DLG1: variants seen among roughly 807,000 people sequenced by gnomAD.
The protein encoded by DLG1 is disks large homolog 1.
Under a neutral mutation model 123.4 loss-of-function variants are expected in DLG1, and 42 were observed. The ratio of observed to expected loss-of-function variants is 0.34; its 90% CI spans 0.27 to 0.44. The LOEUF is 0.44. DLG1 is among the 20% of genes least tolerant of loss of function. The pLI is 1.00. For missense variants in DLG1, 942 were observed against 1,082.6 expected (o/e 0.87, Z 1.82); for synonymous variants, 317 against 356.2 (o/e 0.89, Z 1.24).
At chr3:197,184,454 T>A (rs1714560247) in intron 5 of DLG1, among the ~76,000 whole-genome samples, 1 of 152,248 alleles carries the variant, frequency 6.6e-6, no homozygotes, top group Admixed American at 6.5e-5. Flanking sequence ...ACACATTATC[T>A]GGCACTGGCT....
intron 17 of DLG1, among the ~76,000 whole-genome samples, chr3:197,079,846 T>C (rs1333850342): frequency 6.6e-6 from 1 of 152,158 alleles, no homozygotes; most frequent in Non-Finnish European, 1.5e-5. Flanking sequence ...ATTTAACTTC[T>C]TGAACCAAAG....
intron 14 of DLG1, among the ~76,000 whole-genome samples, chr3:197,102,252 A>G (rs1446487251): frequency 2.0e-5 from 3 of 152,344 alleles, no homozygotes; most frequent in African/African-American, 7.2e-5. Flanking sequence ...AAAACCCATA[A>G]AAGTACTTTT....
chr3:197,086,944 C>T (rs1754740445), intron 15 of DLG1, among the ~76,000 whole-genome samples: 1 of 76,504 alleles, frequency 1.3e-5, no homozygotes, highest in Non-Finnish European at 2.8e-5. Flanking sequence ...AAATCACCCA[C>T]AATCTCTACT....
chr3:197,141,777 C>A (rs997590803), intron 7 of DLG1, among the ~76,000 whole-genome samples: 3 of 152,028 alleles, frequency 2.0e-5, no homozygotes, highest in Non-Finnish European at 4.4e-5. Context: ...GGCTAGAGTG[C>A]GATCTCGGCT....
In DLG1 at chr3:197,240,861, C is replaced by T. The variant is rs532855770; in HGVS notation, c.318+41818G>A. On this transcript the variant is annotated intron_variant, in intron 4 of 24. Coordinates refer to ENST00000667157, the MANE Select transcript of DLG1 (RefSeq NM_001366207.1). ...CTCAGAGACAGGCTATGAAAACACA[C>T]ATAGGAGAAAAAAGAATGAAAAGCA... Among the ~76,000 whole-genome samples, 273 of 151,686 alleles carry T rather than the reference C, an allele frequency of 1.8e-3. 1 individual carries two copies. Among genetic ancestry groups the T allele is most frequent in the Non-Finnish European group, 2.3e-3 (157 of 67,894 alleles).
chr3:197,212,737 T>C (rs1360017207), intron 4 of DLG1, among the ~76,000 whole-genome samples: 2 of 152,236 alleles, frequency 1.3e-5, no homozygotes, highest in Non-Finnish European at 2.9e-5. Flanking sequence ...TATCTCCAAA[T>C]AAGGTCATAT....
intron 16 of DLG1, among the ~76,000 whole-genome samples, chr3:197,081,569 GTACT>G (rs557716232): frequency 7.2e-5 from 11 of 152,000 alleles, no homozygotes; most frequent in Non-Finnish European, 1.3e-4. Flanking sequence ...TGCCGTTTTT[GTACT>G]TACTTTTCTA....
chr3:197,170,349 T>C lies in DLG1; in HGVS notation c.484-20553A>G, dbSNP rs931315775. ...GGAACCACCACATTGTCTTCCATAA[T>C]GGTTGAACTAATTTACACTCTCATC... On this transcript the variant is annotated intron_variant, in intron 5 of 24. Transcript: ENST00000667157. Among the ~76,000 whole-genome samples, 28 of 152,348 alleles carry C rather than the reference T, an allele frequency of 1.8e-4. 1 individual carries two copies. The highest frequency in any genetic ancestry group is 3.4e-3 in the Middle Eastern group (1 of 294).
At chr3:197,135,030 G>A (rs1784418346) in intron 10 of DLG1, among the ~76,000 whole-genome samples, 1 of 152,176 alleles carries the variant, frequency 6.6e-6, no homozygotes. Context: ...TGTTATACAT[G>A]ACAAGCAACA....
intron 1 of DLG1, chr3:197,297,887 A>T (rs978696114): frequency 3.1e-6 from 3 of 983,404 alleles, no homozygotes; most frequent in Non-Finnish European, 3.6e-6. Context: ...CGCTCCACGT[A>T]CCCCCGCCCC....
chr3:197,229,715 T>A (rs1460058074), intron 4 of DLG1, among the ~76,000 whole-genome samples: 1 of 152,214 alleles, frequency 6.6e-6, no homozygotes, highest in Non-Finnish European at 1.5e-5. Flanking sequence ...TGGAATACAA[T>A]CTGTGACACA....
At chr3:197,186,141 C>G (rs1211172507) in intron 5 of DLG1, among the ~76,000 whole-genome samples, 2 of 152,152 alleles carry the variant, frequency 1.3e-5, no homozygotes, top group Non-Finnish European at 2.9e-5. Context: ...TCTAGGAACA[C>G]CTCATCCATT....
chr3:197,296,707 A>T (rs1777521874), intron 2 of DLG1: 1 of 435,882 alleles, frequency 2.3e-6, no homozygotes, highest in Admixed American at 3.8e-5. Flanking sequence ...AACGGAGGAG[A>T]GTGAGCAGTT....
chr3:197,142,187 C>T (rs1363759729), intron 7 of DLG1, among the ~76,000 whole-genome samples: 1 of 151,986 alleles, frequency 6.6e-6, no homozygotes, highest in Admixed American at 6.6e-5. Flanking sequence ...TTACTTAATA[C>T]GAACAATACT....
intron 5 of DLG1, among the ~76,000 whole-genome samples, chr3:197,191,306 T>C (rs1719385164): frequency 6.6e-6 from 1 of 152,180 alleles, no homozygotes; most frequent in African/African-American, 2.4e-5. Context: ...CTGGAGACTC[T>C]GGGTAAACAA....
In DLG1 at chr3:197,081,094, C is replaced by T. The variant is rs560145346; in HGVS notation, c.1862G>A (p.Arg621Gln). 1.2e-5 allele frequency: 20 copies of T among 1,613,180 alleles called. No individual in the cohort carries two copies. The highest frequency in any genetic ancestry group is 8.9e-5 in the East Asian group (4 of 44,730). Residue 621 changes from arginine to glutamine, a missense_variant, in exon 17 of 25, where the codon CGA (arginine) becomes CAA (glutamine). By Grantham distance (43) the Arg-to-Gln change is conservative. Coordinates refer to ENST00000667157, the MANE Select transcript of DLG1 (RefSeq NM_001366207.1). ...AGAATTGAATTTCACTGTTTTTAAT[C>T]GGGCTCGTTCTTTCTTCTCAACTCT... is the stretch of plus-strand genomic sequence containing the variant. ...KRRVEKKERARLKTVKFNSKT... is the reference protein window; with the variant it reads ...KRRVEKKERAQLKTVKFNSKT...
chr3:197,210,686 A>C (rs1436776356), intron 4 of DLG1, among the ~76,000 whole-genome samples: 1 of 143,296 alleles, frequency 7.0e-6, no homozygotes, highest in Non-Finnish European at 1.6e-5. Context: ...TAAAGAATTC[A>C]ATCTGTTACC....
At chr3:197,230,938 A>G (rs769043967) in intron 4 of DLG1, among the ~76,000 whole-genome samples, 10 of 150,022 alleles carry the variant, frequency 6.7e-5, no homozygotes, top group Admixed American at 3.3e-4. Context: ...ACTGCTTTAC[A>G]TATAGTATGT....
chr3:197,063,928 AT>A (rs34773162), intron 22 of DLG1, among the ~76,000 whole-genome samples: 24,631 of 132,184 alleles, frequency 0.19, 1,999 homozygotes, highest in African/African-American at 0.23. Flanking sequence ...CTTAATTTAC[AT>A]TTTTTTTTTT....
Sources: gnomAD v4.1 joint callset for allele counts (sites outside exome capture counted in the v4.1 genomes callset) on GRCh38, gnomAD v4.1.1 for gene constraint, MANE v1.5 for transcripts, NCBI Gene and HGNC (gene_info 2026-07-23, HGNC 2026-07-21) for gene names.